METTL13: variants seen among roughly 807,000 people sequenced by gnomAD.
The protein encoded by METTL13 is methyltransferase 13, eEF1A N-terminus and K55.
METTL13 carries 52 observed loss-of-function variants against 67.4 expected under a neutral mutation model. The ratio of observed to expected loss-of-function variants is 0.77; its 90% confidence interval spans 0.62 to 0.97. METTL13 has a LOEUF of 0.97. METTL13 is among the 50% of genes least tolerant of loss of function. The pLI is 0.00. For missense variants in METTL13, 825 were observed against 889.6 expected (o/e 0.93, Z 0.92); for synonymous variants, 354 against 353.6 (o/e 1.00, Z -0.01).
At chr1:171,786,717 G>T (rs531063434) in intron 3 of METTL13, among the ~76,000 whole-genome samples, 1 of 152,084 alleles carries the variant, frequency 6.6e-6, no homozygotes, top group Non-Finnish European at 1.5e-5. Context: ...CTGGAGTTCA[G>T]TGGTGTGATC....
Position 171,796,725 on chromosome 1 carries a change from C to T in METTL13, c.2069C>T (p.Ser690Leu). Residue 690 changes from serine to leucine, a missense_variant, in exon 8 of 8, where the codon TCA becomes TTA. Coordinates refer to ENST00000361735, the MANE Select transcript of METTL13 (RefSeq NM_015935.5). ...GGTTGGGATGACACGTATGTCTTGT[C>T]AGATATGCTCAAGACGGTGAAAATT... ...GRGWDDTYVL[S>L]DMLKTVKIV is the part of the protein sequence containing the mutation. The T allele has an allele frequency of 6.2e-7, 1 of 1,614,102 alleles. No homozygotes were observed. Among genetic ancestry groups the T allele is most frequent in the East Asian group, 2.2e-5 (1 of 44,876 alleles).
At chr1:171,795,655 T>G (rs1040220703) in intron 7 of METTL13, among the ~76,000 whole-genome samples, 1 of 152,230 alleles carries the variant, frequency 6.6e-6, no homozygotes, top group Non-Finnish European at 1.5e-5. Flanking sequence ...ACCTCAAAAC[T>G]GGAGCCTTTA....
chr1:171,793,753 C>T (rs140617740), intron 6 of METTL13, among the ~76,000 whole-genome samples: 4 of 152,322 alleles, frequency 2.6e-5, no homozygotes, highest in African/African-American at 9.6e-5. Context: ...TTTCTTGAGT[C>T]AGCTCTTGTT....
Position 171,783,989 on chromosome 1 carries a change from A to T in METTL13, c.403A>T (p.Thr135Ser), listed in dbSNP as rs1656912722. 1.4e-5 allele frequency: 23 copies of T among 1,614,068 alleles called. No individual in the cohort carries two copies. The highest frequency in any genetic ancestry group is 1.9e-5 in the Non-Finnish European group (22 of 1,180,028). Residue 135 changes from threonine (T) to serine (S), a missense_variant, in exon 2 of 8, where the codon ACC becomes TCC. Coordinates refer to ENST00000361735, the MANE Select transcript of METTL13 (RefSeq NM_015935.5). ...DAVLTDEEEK[T>S]LQQVDRMLAE... ...TGTCCTGACAGATGAGGAAGAGAAG[A>T]CCTTACAACAGGTGGACAGGATGCT...
Position 171,792,021 on chromosome 1 carries a change from C to T in METTL13, c.1479C>T (p.Ile493=), listed in dbSNP as rs936089349. Residue 493 remains isoleucine (I), a synonymous_variant, in exon 6 of 8, where the codon ATC becomes ATT. Transcript: ENST00000361735. ...TGCTCTATTCTTTTCTTACAGAGAT[C>T]CCACTGGCATTGTTGGTGGTAGGCC... The part of the protein sequence containing the change: ...LLRNPELLLE[I]PLALLVVGLG... 3 of 1,612,492 alleles carry T rather than the reference C, an allele frequency of 1.9e-6. No homozygotes were observed. The highest frequency in any genetic ancestry group is 1.7e-5 in the Admixed American group (1 of 60,024).
chr1:171,784,261 G>C lies in METTL13; in HGVS notation c.675G>C (p.Leu225=). ...VPGSALQIFE[L]CAQEQRKPVR... ...GCTCTGCCCTTCAGATCTTTGAGCT[G>C]TGTGCTCAGGAGCAGCGCAAGCCTG... The change falls in exon 2 of 8, where the codon CTG becomes CTC. Residue 225 remains leucine, a synonymous_variant. Transcript: ENST00000361735. The C allele has an allele frequency of 1.2e-6, 2 of 1,613,986 alleles. No homozygotes were observed. The highest frequency in any genetic ancestry group is 1.7e-6 in the Non-Finnish European group (2 of 1,180,022).
intron 7 of METTL13, 25 bp downstream of exon 7, chr1:171,794,552 G>A (rs746158138): frequency 1.2e-6 from 2 of 1,613,844 alleles, no homozygotes; most frequent in Admixed American, 3.3e-5. Flanking sequence ...AGGTGGGAGA[G>A]GGAGGAGAGA....
At position 171,785,941 on chromosome 1, in the gene METTL13, G is replaced by C; in HGVS notation, c.976G>C (p.Ala326Pro). The C allele has an allele frequency of 6.2e-7, 1 of 1,613,838 alleles. No homozygotes were observed. The highest frequency in any genetic ancestry group is 1.1e-5 in the South Asian group (1 of 91,028). Residue 326 changes from alanine to proline, a missense_variant, in exon 3 of 8, where the codon GCC becomes CCC. Coordinates refer to ENST00000361735, the MANE Select transcript of METTL13 (RefSeq NM_015935.5). ...GGATGAGGGCCGGAAACAGCTGGCGGCCAGTGCTGGCTTCAGGAGGTTGAT... is the reference window on the plus strand; with the variant it reads ...GGATGAGGGCCGGAAACAGCTGGCGCCCAGTGCTGGCTTCAGGAGGTTGAT... ...GMDEGRKQLAASAGFRRLITV... is the reference protein window; with the variant it reads ...GMDEGRKQLAPSAGFRRLITV...
intron 7 of METTL13, among the ~76,000 whole-genome samples, chr1:171,794,881 C>G (rs939569780): frequency 6.6e-6 from 1 of 151,908 alleles, no homozygotes; most frequent in Admixed American, 6.6e-5. Flanking sequence ...GTGCAGTGGC[C>G]TGATCATGGC....
rs114594702 is a variant in METTL13 at position 171,784,820 on chromosome 1, G to A, written c.913+321G>A. On this transcript the variant is annotated intron_variant, in intron 2 of 7. Coordinates refer to ENST00000361735, the MANE Select transcript of METTL13 (RefSeq NM_015935.5). ...TTTAGGAGGTCACATATGATATAGA[G>A]ATGCTAGTTACTTTGTAGCATGGAG... Among the ~76,000 whole-genome samples the A allele has an allele frequency of 4.7e-3, 723 of 152,322 alleles. 2 individuals carry two copies. The highest frequency in any genetic ancestry group is 8.6e-3 in the Non-Finnish European group (588 of 68,016).
At chr1:171,790,678 G>A in intron 5 of METTL13, 62 bp downstream of exon 5, 1 of 1,373,058 alleles carries the variant, frequency 7.3e-7, no homozygotes, top group African/African-American at 1.5e-5. Flanking sequence ...CTAAACAATT[G>A]GTGTCACTTG....
rs773634739 is a variant in METTL13, at chr1:171,792,122, C to A, written c.1580C>A (p.Pro527His). 1.9e-6 allele frequency: 3 copies of A among 1,613,928 alleles called. No individual in the cohort carries two copies. The highest frequency in any genetic ancestry group is 2.5e-6 in the Non-Finnish European group (3 of 1,180,024). ...TGCATTGATGCTGTGGAGATCGATCCCTCCATGTTGGAAGTGGCCACCCAG... is the reference window on the plus strand; with the variant it reads ...TGCATTGATGCTGTGGAGATCGATCACTCCATGTTGGAAGTGGCCACCCAG... Reference protein sequence around the residue: ...KSCIDAVEIDPSMLEVATQWF... With the variant: ...KSCIDAVEIDHSMLEVATQWF... The change falls in exon 6 of 8, where the codon CCC becomes CAC. Residue 527 changes from proline to histidine, a missense_variant. Coordinates refer to ENST00000361735, the MANE Select transcript of METTL13 (RefSeq NM_015935.5).
intron 2 of METTL13, 86 bp downstream of exon 2, chr1:171,784,585 C>T: frequency 7.2e-7 from 1 of 1,392,008 alleles, no homozygotes. Context: ...TGAGGCTGGG[C>T]TGGGGCTTTG....
chr1:171,784,631 T>C, intron 2 of METTL13, 132 bp downstream of exon 2: 1 of 1,191,148 alleles, frequency 8.4e-7, no homozygotes. Flanking sequence ...TTGCAGGGGT[T>C]TGTACTTCCA....
Position 171,790,563 on chromosome 1 carries a change from A to G in METTL13, c.1421A>G (p.His474Arg), listed in dbSNP as rs1249188474. The change falls in exon 5 of 8, where the codon CAC becomes CGC. Residue 474 changes from histidine (H) to arginine (R), a missense_variant. By Grantham distance (29) the His-to-Arg change is conservative. Coordinates refer to ENST00000361735, the MANE Select transcript of METTL13 (RefSeq NM_015935.5). Reference sequence around the variant, plus strand: ...AAGAGTTACCTGTGTTGTGAACACCACAAAGCCATGATCGCTGGCCTTGCC... The same window carrying G: ...AAGAGTTACCTGTGTTGTGAACACCGCAAAGCCATGATCGCTGGCCTTGCC... The part of the protein sequence containing the change: ...IDKSYLCCEH[H>R]KAMIAGLALL... 4 of 1,609,402 alleles carry G rather than the reference A, an allele frequency of 2.5e-6. No individual in the cohort carries two copies. Among genetic ancestry groups the G allele is most frequent in the African/African-American group, 1.3e-5 (1 of 74,654 alleles).
At chr1:171,785,256 C>T (rs1656972339) in intron 2 of METTL13, among the ~76,000 whole-genome samples, 1 of 152,152 alleles carries the variant, frequency 6.6e-6, no homozygotes, top group East Asian at 1.9e-4. Flanking sequence ...AAAAGTGGAA[C>T]ATTGTAGACA....
At position 171,781,722 on chromosome 1, in the gene METTL13, G is replaced by A; in HGVS notation, c.-246G>A. On this transcript the variant is annotated 5_prime_UTR_variant, in exon 1 of 8. Coordinates refer to ENST00000361735, the MANE Select transcript of METTL13 (RefSeq NM_015935.5). ...GAAAAGTGTGAGGGGCTCTTCACGT[G>A]GGGAAGGAACAGCAGGCGCGGAGGA... The A allele has an allele frequency of 7.9e-7, 1 of 1,268,376 alleles. No homozygotes were observed. The highest frequency in any genetic ancestry group is 1.0e-6 in the Non-Finnish European group (1 of 984,890). 78.6% of individuals were successfully genotyped at this position (1,268,376 alleles called of 1,614,324 possible).
At position 171,784,513 on chromosome 1, in the gene METTL13, G is replaced by C; in HGVS notation, c.913+14G>C. The C allele has an allele frequency of 6.7e-7, 1 of 1,495,144 alleles. No homozygotes were observed. Among genetic ancestry groups the C allele is most frequent in the Non-Finnish European group, 8.9e-7 (1 of 1,124,224 alleles). The allele number at this position is 1,495,144 out of a possible 1,614,324, so 92.6% of individuals were successfully genotyped here. Reference sequence around the variant, plus strand: ...CGATTTTCATCAGTGAGTTGGGATTGCTCCCTCTCTTCCCTGGAGGGGCTG... The same window carrying C: ...CGATTTTCATCAGTGAGTTGGGATTCCTCCCTCTCTTCCCTGGAGGGGCTG... On this transcript the variant is annotated intron_variant, in intron 2 of 7. Coordinates refer to ENST00000361735, the MANE Select transcript of METTL13 (RefSeq NM_015935.5).
chr1:171,787,893 G>T lies in METTL13; in HGVS notation c.1272G>T (p.Gln424His). The T allele has an allele frequency of 2.5e-6, 4 of 1,614,008 alleles. No homozygotes were observed. The highest frequency in any genetic ancestry group is 2.2e-5 in the East Asian group (1 of 44,876). ...TCCTCAGCAACAGGAATGTGGTGCA[G>T]TCCGAAGCCAGGTTGCTGAAGGATG... ...LIFLSNRNVV[Q>H]SEARLLKDVS... Residue 424 changes from glutamine to histidine, a missense_variant, in exon 4 of 8, where the codon CAG becomes CAT. By Grantham distance (24) the Gln-to-His change is conservative. Transcript: ENST00000361735.
Sources: allele counts gnomAD v4.1 joint callset (sites outside exome capture counted in the v4.1 genomes callset), GRCh38; gene constraint gnomAD v4.1.1; transcripts MANE v1.5; gene names NCBI Gene and HGNC (gene_info 2026-07-23, HGNC 2026-07-21).